The following KCNK9 variants were observed in gnomAD, a reference collection of about 807,000 sequenced individuals.
The protein encoded by KCNK9 is potassium channel subfamily K member 9.
Under a neutral mutation model 10.8 loss-of-function variants are expected in KCNK9, and 1 was observed. The observed-to-expected ratio is 0.09, with a 90% CI of 0.03 to 0.44. KCNK9 has a LOEUF of 0.44. Ranked by LOEUF, KCNK9 falls within the 20% of genes least tolerant of loss-of-function variation. The pLI is 0.97. For missense variants in KCNK9, 303 were observed against 515.0 expected (o/e 0.59, Z 3.98); for synonymous variants, 231 against 222.7 (o/e 1.04, Z -0.33).
chr8:139,676,635 T>C (rs1037605451), intron 1 of KCNK9, among the ~76,000 whole-genome samples: 4 of 152,198 alleles, frequency 2.6e-5, no homozygotes, highest in African/African-American at 7.2e-5. Context: ...CACTTTGACC[T>C]TCACGACACG....
At chr8:139,700,090 AAAAC>A (rs1424116280) in intron 1 of KCNK9, among the ~76,000 whole-genome samples, 2 of 152,188 alleles carry the variant, frequency 1.3e-5, no homozygotes, top group Non-Finnish European at 2.9e-5. Flanking sequence ...AAAAGAAAAA[AAAAC>A]AAACAGAATT....
intron 1 of KCNK9, among the ~76,000 whole-genome samples, chr8:139,646,584 GC>G (rs1292242182): frequency 6.6e-6 from 1 of 152,212 alleles, no homozygotes; most frequent in Non-Finnish European, 1.5e-5. Flanking sequence ...GGTACAACCC[GC>G]CAGTAAATGG....
intron 1 of KCNK9, among the ~76,000 whole-genome samples, chr8:139,663,291 ACAAAAGGAAGACAGGT>A (rs1233827818): frequency 6.6e-6 from 1 of 152,004 alleles, no homozygotes; most frequent in Non-Finnish European, 1.5e-5. Flanking sequence ...AGGTCTGAAG[ACAAAAGGAAGACAGGT>A]CAGCGCGAGG....
Position 139,618,489 on chromosome 8 carries a change from G to T in KCNK9, c.894C>A (p.Ser298=). The change falls in exon 2 of 2, where the codon TCC becomes TCA. Residue 298 remains serine, a synonymous_variant. Transcript: ENST00000520439. The surrounding 1 kb of genome is among the most constrained non-coding windows in gnomAD (Gnocchi z 7.9). ...AGTCCTGCGAGCGGTAGCAGGTGCA[G>T]GAGCACACAGACTGCAGGTCCGGGA... ...ADVPDLQSVC[S]CTCYRSQDYG... 1 of 1,613,866 alleles carries T rather than the reference G, an allele frequency of 6.2e-7. No homozygotes were observed. Among genetic ancestry groups the T allele is most frequent in the Non-Finnish European group, 8.5e-7 (1 of 1,180,024 alleles).
At chr8:139,622,003 A>G (rs1238504039) in intron 1 of KCNK9, among the ~76,000 whole-genome samples, 1 of 152,230 alleles carries the variant, frequency 6.6e-6, no homozygotes, top group African/African-American at 2.4e-5. Context: ...CCTGCTAGTA[A>G]AAATAAGCAG....
chr8:139,625,545 G>C (rs1814944344), intron 1 of KCNK9, among the ~76,000 whole-genome samples: 1 of 152,142 alleles, frequency 6.6e-6, no homozygotes, highest in Non-Finnish European at 1.5e-5. Context: ...GGAAATCCCA[G>C]CCAATCCCTA....
At chr8:139,612,819 T>C (rs1814472486), downstream of KCNK9, 1 of 152,058 alleles carries the variant, frequency 6.6e-6, no homozygotes. Flanking sequence ...GCCAAAACTG[T>C]CTTAACCTGA....
chr8:139,609,872 G>A (rs1197783991), downstream of KCNK9, among the ~76,000 whole-genome samples: 1 of 152,060 alleles, frequency 6.6e-6, no homozygotes, highest in East Asian at 1.9e-4. Flanking sequence ...GGTGGACACT[G>A]GGGCAGGGTG....
chr8:139,633,812 C>T (rs182353592), intron 1 of KCNK9, among the ~76,000 whole-genome samples: 126 of 152,308 alleles, frequency 8.3e-4, no homozygotes, highest in African/African-American at 2.9e-3. Context: ...GGCCTTCCCC[C>T]GAGGCCTGCT....
At chr8:139,695,509 T>A (rs1416926575) in intron 1 of KCNK9, among the ~76,000 whole-genome samples, 3 of 152,114 alleles carry the variant, frequency 2.0e-5, no homozygotes, top group Non-Finnish European at 4.4e-5. Flanking sequence ...ACACGGTGAG[T>A]GCACTGACCT....
downstream of KCNK9, among the ~76,000 whole-genome samples, chr8:139,608,545 T>C (rs1334630412): frequency 1.4e-5 from 2 of 145,098 alleles, no homozygotes; most frequent in African/African-American, 5.0e-5. Flanking sequence ...CACACCACAG[T>C]GTGGGAGGGT....
intron 1 of KCNK9, among the ~76,000 whole-genome samples, chr8:139,701,035 C>T (rs1042124538): frequency 9.8e-5 from 15 of 152,326 alleles, no homozygotes; most frequent in African/African-American, 3.6e-4. Flanking sequence ...TTTCTCCTTT[C>T]CCCAGGGGTG....
chr8:139,655,424 C>T (rs888487424), intron 1 of KCNK9, among the ~76,000 whole-genome samples: 1 of 152,138 alleles, frequency 6.6e-6, no homozygotes, highest in Non-Finnish European at 1.5e-5. Context: ...CCCATTCAAA[C>T]CTGACTAGGC....
chr8:139,668,649 C>T (rs1006521600), intron 1 of KCNK9, among the ~76,000 whole-genome samples: 8 of 152,232 alleles, frequency 5.3e-5, no homozygotes, highest in African/African-American at 1.2e-4. Flanking sequence ...GTCGAACTCC[C>T]GACCTCAGGT....
chr8:139,660,150 GA>G (rs1454526879), intron 1 of KCNK9, among the ~76,000 whole-genome samples: 1 of 152,106 alleles, frequency 6.6e-6, no homozygotes, highest in African/African-American at 2.4e-5. Context: ...GCACATTTCA[GA>G]AGGTACACGT....
downstream of KCNK9, chr8:139,616,518 C>T (rs1315155701): frequency 6.6e-6 from 1 of 152,208 alleles, no homozygotes; most frequent in Non-Finnish European, 1.5e-5. Flanking sequence ...ACAGCCTTTT[C>T]AGAGGAGTCT....
At chr8:139,662,879 G>GA (rs201150555) in intron 1 of KCNK9, among the ~76,000 whole-genome samples, 2 of 137,082 alleles carry the variant, frequency 1.5e-5, no homozygotes, top group East Asian at 2.3e-4. Context: ...GGGAAGGGGG[G>GA]GGGGCTGGAG....
At chr8:139,624,467 G>A (rs1244211998) in intron 1 of KCNK9, among the ~76,000 whole-genome samples, 3 of 152,098 alleles carry the variant, frequency 2.0e-5, no homozygotes, top group South Asian at 4.1e-4. Context: ...TTCTCAGCCC[G>A]GCTGGCCCCT....
At chr8:139,664,209 T>G (rs3780040) in intron 1 of KCNK9, among the ~76,000 whole-genome samples, 67,092 of 152,132 alleles carry the variant, frequency 0.44, 18,264 homozygotes, top group East Asian at 0.86. Flanking sequence ...CTCTTTCAGG[T>G]CCTTCGTCTC....
Sources: gnomAD v4.1 joint callset for allele counts (sites outside exome capture counted in the v4.1 genomes callset) on GRCh38, gnomAD v4.1.1 for gene constraint, Gnocchi (gnomAD v3.1) non-coding constraint, MANE v1.5 for transcripts, NCBI Gene and HGNC (gene_info 2026-07-23, HGNC 2026-07-21) for gene names.